The following ZMPSTE24 variants were observed in gnomAD, a reference collection of about 807,000 sequenced individuals.
ZMPSTE24 encodes the protein CAAX prenyl protease 1 homolog.
ZMPSTE24 carries 48 observed loss-of-function variants against 56.7 expected under a neutral mutation model. That is an observed-to-expected ratio of 0.85 (90% CI 0.67 to 1.08). The LOEUF (loss-of-function observed/expected upper bound fraction) is 1.08. Among genes scored for constraint, ZMPSTE24 ranks in the 50% least tolerant of loss-of-function variants. The probability of loss-of-function intolerance (pLI) is 0.00; values close to 1 mark genes in which losing one functional copy is unlikely to be tolerated. For missense variants in ZMPSTE24, 503 were observed against 548.7 expected (o/e 0.92, Z 0.83); for synonymous variants, 172 against 195.2 (o/e 0.88, Z 0.99).
intron 6 of ZMPSTE24, among the ~76,000 whole-genome samples, chr1:40,276,344 A>G (rs1643671484): frequency 6.6e-6 from 1 of 152,128 alleles, no homozygotes; most frequent in Non-Finnish European, 1.5e-5. Context: ...CACTTAAGAG[A>G]AGGGGACCAG....
chr1:40,276,450 CAGG>C (rs147391559), intron 6 of ZMPSTE24, among the ~76,000 whole-genome samples: 8,024 of 152,212 alleles, frequency 0.053, 257 homozygotes, highest in Non-Finnish European at 0.071. Context: ...TCTCAAAAAC[CAGG>C]AGAAGATCGT....
At chr1:40,273,566 A>ATG (rs1643637878) in intron 6 of ZMPSTE24, among the ~76,000 whole-genome samples, 1 of 126,580 alleles carries the variant, frequency 7.9e-6, no homozygotes, top group African/African-American at 3.1e-5. Flanking sequence ...ATATATATAT[A>ATG]TATGTCAGAC....
At position 40,270,091 on chromosome 1, in the gene ZMPSTE24, T is replaced by A. The variant is rs1361932358; in HGVS notation, c.591T>A (p.Phe197Leu). Residue 197 changes from phenylalanine (F) to leucine (L), a missense_variant, in exon 5 of 10, where the codon TTT becomes TTA. Physicochemically the swap from Phe to Leu is conservative, Grantham distance 22. Coordinates refer to ENST00000372759, the MANE Select transcript of ZMPSTE24 (RefSeq NM_005857.5). ...YIIKIGGDYF[F>L]IYAWLFTLVV... is the part of the protein sequence containing the mutation. ...TTAAAATTGGGGGTGACTATTTTTT[T>A]ATTTATGCCTGGCTGTTCACATTAG... The A allele has an allele frequency of 6.2e-7, 1 of 1,613,790 alleles. No individual in the cohort carries two copies. The highest frequency in any genetic ancestry group is 1.3e-5 in the African/African-American group (1 of 74,914).
At chr1:40,287,035 A>C (rs1407384491) in intron 8 of ZMPSTE24, among the ~76,000 whole-genome samples, 1 of 151,342 alleles carries the variant, frequency 6.6e-6, no homozygotes, top group Non-Finnish European at 1.5e-5. Context: ...CCCGGCCTCT[A>C]GAATGCTTTT....
chr1:40,271,743 C>T, intron 5 of ZMPSTE24, 151 bp from the exon 6 acceptor site: 1 of 708,778 alleles, frequency 1.4e-6, no homozygotes, highest in Non-Finnish European at 2.3e-6. Flanking sequence ...CTATCTGGTA[C>T]TATTTGGGCC....
In ZMPSTE24 at chr1:40,293,910, C is replaced by G. The variant is rs1003545714; in HGVS notation, c.*1241C>G. 6.6e-6 allele frequency: 1 copy of G among 152,392 alleles called. No individual in the cohort carries two copies. The highest frequency in any genetic ancestry group is 1.9e-4 in the East Asian group (1 of 5,208). 9.4% of individuals were successfully genotyped at this position (152,392 alleles called of 1,614,324 possible). On this transcript the variant is annotated 3_prime_UTR_variant, in exon 10 of 10. Transcript: ENST00000372759. Reference sequence around the variant, plus strand: ...GGCATTTATTCCAAAGTGGGATCAACTGTACGCCTTTGGTATCTGACCATA... The same window carrying G: ...GGCATTTATTCCAAAGTGGGATCAAGTGTACGCCTTTGGTATCTGACCATA...
At chr1:40,261,085 G>T in intron 2 of ZMPSTE24, 100 bp downstream of exon 2, 2 of 1,447,296 alleles carry the variant, frequency 1.4e-6, no homozygotes, top group Non-Finnish European at 9.7e-7. Flanking sequence ...GTCCCAGAAT[G>T]CTTTCTTAAC....
At chr1:40,268,265 T>C (rs1206553110) in intron 3 of ZMPSTE24, among the ~76,000 whole-genome samples, 154 bp from the exon 4 acceptor site, 2 of 152,258 alleles carry the variant, frequency 1.3e-5, no homozygotes, top group African/African-American at 2.4e-5. Flanking sequence ...AAAAGTAAAC[T>C]TTTTTGAAGG....
At chr1:40,273,516 TAAA>T (rs1205861105) in intron 6 of ZMPSTE24, among the ~76,000 whole-genome samples, 11 of 10,578 alleles carry the variant, frequency 1.0e-3, no homozygotes, top group Admixed American at 1.8e-3. Context: ...AAATTCTGTC[TAAA>T]AAAAAAAAAA....
At position 40,292,443 on chromosome 1, in the gene ZMPSTE24, A is replaced by G; in HGVS notation, c.1204-2A>G. On this transcript the variant is annotated splice_acceptor_variant, in intron 9 of 9. Transcript: ENST00000372759. LOFTEE classifies it high-confidence loss of function. The stretch of plus-strand genomic sequence containing the variant: ...CTAAAACCCTTTCATTTTCTTTTTC[A>G]GGTTCTTTCTTTTTGCCTAACAGTC... 6.2e-7 allele frequency: 1 copy of G among 1,613,334 alleles called. No individual in the cohort carries two copies. The highest frequency in any genetic ancestry group is 8.5e-7 in the Non-Finnish European group (1 of 1,179,848).
intron 9 of ZMPSTE24, among the ~76,000 whole-genome samples, 168 bp from the exon 10 acceptor site, chr1:40,292,277 T>C (rs1643850877): frequency 6.6e-6 from 1 of 152,164 alleles, no homozygotes. Flanking sequence ...AGAATAAGGC[T>C]CAATTTATAA....
chr1:40,263,925 G>T (rs938163005), intron 2 of ZMPSTE24, among the ~76,000 whole-genome samples: 1 of 152,114 alleles, frequency 6.6e-6, no homozygotes, highest in Non-Finnish European at 1.5e-5. Flanking sequence ...AAATGGAATG[G>T]CTGGGGAGCA....
At chr1:40,284,625 G>A (rs1440547116) in intron 7 of ZMPSTE24, among the ~76,000 whole-genome samples, 3 of 151,564 alleles carry the variant, frequency 2.0e-5, no homozygotes, top group Non-Finnish European at 4.4e-5. Context: ...GGTGGCATGC[G>A]CCTGTAATCC....
chr1:40,286,567 C>T (rs1569660818), intron 8 of ZMPSTE24, among the ~76,000 whole-genome samples: 1 of 151,626 alleles, frequency 6.6e-6, no homozygotes, highest in Non-Finnish European at 1.5e-5. Flanking sequence ...ACTACAGGCA[C>T]CCACCACCAT....
chr1:40,287,152 C>T (rs1378293159), intron 8 of ZMPSTE24, among the ~76,000 whole-genome samples: 2 of 151,744 alleles, frequency 1.3e-5, no homozygotes, highest in Non-Finnish European at 2.9e-5. Flanking sequence ...CTGCAACCTG[C>T]ACCTCCCAGG....
intron 1 of ZMPSTE24, among the ~76,000 whole-genome samples, chr1:40,260,175 C>T (rs1403712682): frequency 3.3e-5 from 5 of 151,310 alleles, no homozygotes; most frequent in Non-Finnish European, 7.4e-5. Context: ...ATCCTCCCAC[C>T]TCAGCCCCCC....
At position 40,260,571 on chromosome 1, in the gene ZMPSTE24, TA is replaced by T. The variant is rs150722855; in HGVS notation, c.124-266del. On this transcript the variant is annotated intron_variant, in intron 1 of 9. Transcript: ENST00000372759. The stretch of plus-strand genomic sequence containing the variant: ...AGTACATGTAACAAAGTTGTGATGT[TA>T]ACAGCTTTGGTTTACATATACAAAC... Among the ~76,000 whole-genome samples, 7,474 of 152,262 alleles carry T rather than the reference TA, an allele frequency of 0.049. 525 individuals carry two copies. The highest frequency in any genetic ancestry group is 0.16 in the African/African-American group (6,634 of 41,502).
chr1:40,273,244 G>A (rs557803988), intron 6 of ZMPSTE24, among the ~76,000 whole-genome samples: 41 of 152,070 alleles, frequency 2.7e-4, no homozygotes, highest in Non-Finnish European at 3.8e-4. Context: ...CTGGCTGGGC[G>A]CTGTGGCTCA....
intron 1 of ZMPSTE24, among the ~76,000 whole-genome samples, chr1:40,260,351 G>A (rs540727571): frequency 2.0e-5 from 3 of 152,134 alleles, no homozygotes; most frequent in South Asian, 2.1e-4. Context: ...GTGACCCACC[G>A]TGCCCGGCTG....
Sources: gnomAD v4.1 joint callset for allele counts (sites outside exome capture counted in the v4.1 genomes callset) on GRCh38, gnomAD v4.1.1 for gene constraint, MANE v1.5 for transcripts, NCBI Gene and HGNC (gene_info 2026-07-23, HGNC 2026-07-21) for gene names.